Variants in MFAP2 observed in about 807,000 individuals in gnomAD.
MFAP2 encodes microfibril associated protein 2.
Under a neutral mutation model 30.6 loss-of-function variants are expected in MFAP2, and 23 were observed. The observed-to-expected ratio is 0.75, with a 90% CI of 0.54 to 1.07. The LOEUF (loss-of-function observed/expected upper bound fraction) is 1.07, where lower values mean the gene tolerates loss of function less well. Among genes scored for constraint, MFAP2 ranks in the 50% least tolerant of loss-of-function variants. MFAP2 has a pLI of 0.00. For synonymous variants in MFAP2, 73 were observed against 85.7 expected, an observed-to-expected ratio of 0.85 and a Z score of 0.82; for missense variants, 198 against 223.8, an observed-to-expected ratio of 0.88 and a Z score of 0.74.
At position 16,976,050 on chromosome 1, in the gene MFAP2, G is replaced by T; in HGVS notation, c.287-320C>A. 1 of 471,602 alleles carries T rather than the reference G, an allele frequency of 2.1e-6. No individual in the cohort carries two copies. Among genetic ancestry groups the T allele is most frequent in the Non-Finnish European group, 3.8e-6 (1 of 259,886 alleles). The allele number at this position is 471,602 out of a possible 1,614,324, so 29.2% of individuals were successfully genotyped here. Reference sequence around the variant, plus strand: ...CACGCTCACAGAAGCCCACATAGGAGCGCTCACACCAACCCACACGAGAGT... The same window carrying T: ...CACGCTCACAGAAGCCCACATAGGATCGCTCACACCAACCCACACGAGAGT... On this transcript the variant is annotated intron_variant, in intron 6 of 8. Coordinates refer to ENST00000375535, the MANE Select transcript of MFAP2 (RefSeq NM_002403.4). This position sits in a 1 kb window ranked among gnomAD's most constrained non-coding sequence, Gnocchi z 5.5.
rs1330786204 is a variant in MFAP2, at chr1:16,976,729, C to T, written c.220G>A (p.Val74Ile). The T allele has an allele frequency of 1.9e-6, 3 of 1,613,716 alleles. No individual in the cohort carries two copies. Among genetic ancestry groups the T allele is most frequent in the Non-Finnish European group, 2.5e-6 (3 of 1,179,864 alleles). Reference sequence around the variant, plus strand: ...CTACCTGGGGTTGGGGCTGGGATGACTTCCTGTTGGACTTGCTGCTGGGAC... The same window carrying T: ...CTACCTGGGGTTGGGGCTGGGATGATTTCCTGTTGGACTTGCTGCTGGGAC... ...FQSQQQVQQE[V>I]IPAPTPEPGN... Residue 74 changes from valine to isoleucine, a missense_variant, in exon 5 of 9, where the codon GTC becomes ATC. Transcript: ENST00000375535. This position sits in a 1 kb window ranked among gnomAD's most constrained non-coding sequence, Gnocchi z 5.5.
In MFAP2 at chr1:16,976,844, G is replaced by T. The variant is rs748681155; in HGVS notation, c.155-50C>A. On this transcript the variant is annotated intron_variant, in intron 4 of 8. Coordinates refer to ENST00000375535, the MANE Select transcript of MFAP2 (RefSeq NM_002403.4). This position sits in a 1 kb window ranked among gnomAD's most constrained non-coding sequence, Gnocchi z 5.5. ...GTCTGCTCCCTCTACCCCTCCCAGG[G>T]GGTCTCCCCACCCCAGCTGCCGGCC... is the stretch of plus-strand genomic sequence containing the variant. 2 of 1,613,900 alleles carry T rather than the reference G, an allele frequency of 1.2e-6. No individual in the cohort carries two copies. Among genetic ancestry groups the T allele is most frequent in the Non-Finnish European group, 1.7e-6 (2 of 1,179,982 alleles).
intron 1 of MFAP2, among the ~76,000 whole-genome samples, chr1:16,980,120 G>A (rs1257687395): frequency 1.3e-5 from 2 of 152,090 alleles, no homozygotes; most frequent in Admixed American, 1.3e-4. Context: ...GGCTCAGGGG[G>A]AGGGGTCCCG....
At position 16,980,062 on chromosome 1, in the gene MFAP2, C is replaced by T. The variant is rs370079236; in HGVS notation, c.-42+525G>A. Among the ~76,000 whole-genome samples the T allele has an allele frequency of 9.5e-3, 1,445 of 152,040 alleles. 13 individuals are homozygous for T. Among genetic ancestry groups the T allele is most frequent in the South Asian group, 0.016 (78 of 4,816 alleles). On this transcript the variant is annotated intron_variant, in intron 1 of 8. Coordinates refer to ENST00000375535, the MANE Select transcript of MFAP2 (RefSeq NM_002403.4). ...AGGTGGGGGACAGGGGGCCCCGACGCTCGCTCAGACATCAGACGGAGGGAG... is the reference window on the plus strand; with the variant it reads ...AGGTGGGGGACAGGGGGCCCCGACGTTCGCTCAGACATCAGACGGAGGGAG...
At chr1:16,979,479 C>T (rs1269159715) in intron 1 of MFAP2, among the ~76,000 whole-genome samples, 1 of 152,210 alleles carries the variant, frequency 6.6e-6, no homozygotes, top group Admixed American at 6.5e-5. Flanking sequence ...CCTGAGGCCT[C>T]CTGACCCCCT....
At chr1:16,981,273 G>A (rs1173324932), upstream of MFAP2, among the ~76,000 whole-genome samples, 1 of 152,070 alleles carries the variant, frequency 6.6e-6, no homozygotes, top group Non-Finnish European at 1.5e-5. Flanking sequence ...ATGAGTCCCT[G>A]CCCCCGGCCA....
At position 16,976,917 on chromosome 1, in the gene MFAP2, G is replaced by A; in HGVS notation, c.134C>T (p.Pro45Leu). 1.4e-5 allele frequency: 22 copies of A among 1,614,070 alleles called. No homozygotes were observed. The highest frequency in any genetic ancestry group is 1.5e-5 in the Non-Finnish European group (18 of 1,179,986). The change falls in exon 4 of 9, where the codon CCA becomes CTA. Residue 45 changes from proline to leucine, a missense_variant. Transcript: ENST00000375535. The surrounding 1 kb of genome is among the most constrained non-coding windows in gnomAD (Gnocchi z 5.5). ...GTTACCTTGATAATCATAGTAGTCTGGGTTGTCTGCAAACAAAGATGAAAG... is the reference window on the plus strand; with the variant it reads ...GTTACCTTGATAATCATAGTAGTCTAGGTTGTCTGCAAACAAAGATGAAAG... ...YTHYSDQIDNPDYYDYQEVTP... is the reference protein window; with the variant it reads ...YTHYSDQIDNLDYYDYQEVTP...
chr1:16,974,905 G>A lies in MFAP2; in HGVS notation c.*15C>T, dbSNP rs1376109386. On this transcript the variant is annotated 3_prime_UTR_variant, in exon 9 of 9. Coordinates refer to ENST00000375535, the MANE Select transcript of MFAP2 (RefSeq NM_002403.4). ...AGATCCCAGGAGGGCCAGGACTCAG[G>A]ATGCCAGCACCACCCTAGCAGCTCC... 1.5e-6 allele frequency: 1 copy of A among 682,414 alleles called. No individual in the cohort carries two copies. Among genetic ancestry groups the A allele is most frequent in the African/African-American group, 1.9e-5 (1 of 52,216 alleles). The allele number at this position is 682,414 out of a possible 1,614,324, so 42.3% of individuals were successfully genotyped here. A position where few individuals can be genotyped will look rare whatever the true frequency, so the allele number is the denominator to read the frequency against.
rs187729751 is a variant in MFAP2 at position 16,977,135 on chromosome 1, T to G, written c.101A>C (p.Gln34Pro). ...GATCTGGTCGCTATAGTGGGTGTAC[T>G]GGACGTGGTCAGGGAACGGCGGCAG... Reference protein sequence around the residue: ...DPLPPFPDHVQYTHYSDQIDN... With the variant: ...DPLPPFPDHVPYTHYSDQIDN... Residue 34 changes from glutamine (Q) to proline (P), a missense_variant, in exon 3 of 9, where the codon CAG (glutamine) becomes CCG (proline). Coordinates refer to ENST00000375535, the MANE Select transcript of MFAP2 (RefSeq NM_002403.4). 359 of 1,613,910 alleles carry G rather than the reference T, an allele frequency of 2.2e-4. 3 individuals are homozygous for G. In the East Asian group the frequency reaches 7.6e-3, roughly 34 times the overall value.
At chr1:16,978,204 G>A (rs1205807219) in intron 2 of MFAP2, 33 bp downstream of exon 2, 12 of 1,557,692 alleles carry the variant, frequency 7.7e-6, no homozygotes, top group Non-Finnish European at 1.0e-5. Context: ...CCCCACATAA[G>A]AGGAGCTACC....
chr1:16,978,028 A>G (rs2076607554), intron 2 of MFAP2: 3 of 518,668 alleles, frequency 5.8e-6, no homozygotes, highest in South Asian at 4.9e-5. Context: ...GCTGCTGTGG[A>G]AGGCTGGGGG....
At position 16,975,776 on chromosome 1, in the gene MFAP2, C is replaced by T; in HGVS notation, c.287-46G>A. Reference sequence around the variant, plus strand: ...ACTAGGAGCCCAGAGTGGGGGGCGGCCCCCAGCCTCACCCACCTGAGGCTG... The same window carrying T: ...ACTAGGAGCCCAGAGTGGGGGGCGGTCCCCAGCCTCACCCACCTGAGGCTG... On this transcript the variant is annotated intron_variant, in intron 6 of 8. Transcript: ENST00000375535. This position sits in a 1 kb window ranked among gnomAD's most constrained non-coding sequence, Gnocchi z 5.0. 1.9e-6 allele frequency: 3 copies of T among 1,555,620 alleles called. No individual in the cohort carries two copies. The highest frequency in any genetic ancestry group is 1.1e-5 in the South Asian group (1 of 88,048).
In MFAP2 at chr1:16,976,409, G is replaced by A. The variant is rs975733406; in HGVS notation, c.286+92C>T. ...CTGCCAAGAGCCCACATGGGCAAGG[G>A]CCAAAGACCTCCAGCCCACCAGCAC... On this transcript the variant is annotated intron_variant, in intron 6 of 8. Transcript: ENST00000375535. The surrounding 1 kb of genome is among the most constrained non-coding windows in gnomAD (Gnocchi z 5.5). 2.6e-6 allele frequency: 4 copies of A among 1,537,260 alleles called. No homozygotes were observed. Among genetic ancestry groups the A allele is most frequent in the African/African-American group, 2.7e-5 (2 of 73,268 alleles).
intron 1 of MFAP2, 46 bp from the exon 2 acceptor site, chr1:16,978,360 G>C: frequency 6.9e-7 from 1 of 1,459,328 alleles, no homozygotes; most frequent in Non-Finnish European, 9.4e-7. Flanking sequence ...CCACACCCAG[G>C]ACAGCAGAGC....
Position 16,975,527 on chromosome 1 carries a change from C to T in MFAP2, c.374+116G>A, listed in dbSNP as rs2076582952. On this transcript the variant is annotated intron_variant, in intron 7 of 8. Transcript: ENST00000375535. The surrounding 1 kb of genome is among the most constrained non-coding windows in gnomAD (Gnocchi z 5.0). ...GGCTCAACCACAGAACTGAGCTCAACTTAAGGACTCACTATCTTTCCTCCA... is the reference window on the plus strand; with the variant it reads ...GGCTCAACCACAGAACTGAGCTCAATTTAAGGACTCACTATCTTTCCTCCA... 1 of 1,269,256 alleles carries T rather than the reference C, an allele frequency of 7.9e-7. No homozygotes were observed. Among genetic ancestry groups the T allele is most frequent in the Admixed American group, 2.0e-5 (1 of 51,062 alleles). The allele number at this position is 1,269,256 out of a possible 1,614,324, so 78.6% of individuals were successfully genotyped here.
upstream of MFAP2, among the ~76,000 whole-genome samples, chr1:16,981,114 C>CT (rs1442392583): frequency 6.6e-6 from 1 of 152,214 alleles, no homozygotes; most frequent in Non-Finnish European, 1.5e-5. Context: ...TGGGCCATGG[C>CT]TGGCTTCCAC....
Position 16,978,312 on chromosome 1 carries a change from C to A in MFAP2, c.-39G>T. On this transcript the variant is annotated splice_region_variant and 5_prime_UTR_variant, in exon 2 of 9. Coordinates refer to ENST00000375535, the MANE Select transcript of MFAP2 (RefSeq NM_002403.4). ...CAGGCCGGGGTGGTGTCAGAGAGGA[C>A]AGCTGGGGAAAGACCGGTGGGAGAG... 6.4e-7 allele frequency: 1 copy of A among 1,563,306 alleles called. No homozygotes were observed.
rs1342117598 is a variant in MFAP2 at position 16,976,201 on chromosome 1, C to T, written c.286+300G>A. ...TCCTCGCCTCCACATGTGCACCACT[C>T]AGTCTCTCTGGCTGGCAGGAAGCCC... On this transcript the variant is annotated intron_variant, in intron 6 of 8. Coordinates refer to ENST00000375535, the MANE Select transcript of MFAP2 (RefSeq NM_002403.4). This position sits in a 1 kb window ranked among gnomAD's most constrained non-coding sequence, Gnocchi z 5.5. 3.5e-6 allele frequency: 2 copies of T among 563,810 alleles called. No homozygotes were observed. Among genetic ancestry groups the T allele is most frequent in the Non-Finnish European group, 6.4e-6 (2 of 314,390 alleles). The allele number at this position is 563,810 out of a possible 1,614,324, so 34.9% of individuals were successfully genotyped here. A position where few individuals can be genotyped will look rare whatever the true frequency, so the allele number is the denominator to read the frequency against.
Position 16,975,326 on chromosome 1 carries a change from C to A in MFAP2, c.391G>T (p.Val131Phe). The change falls in exon 8 of 9, where the codon GTC becomes TTC. Residue 131 changes from valine to phenylalanine, a missense_variant. Physicochemically the swap from Val to Phe is conservative, Grantham distance 50 (BLOSUM62 -1). Transcript: ENST00000375535. This position sits in a 1 kb window ranked among gnomAD's most constrained non-coding sequence, Gnocchi z 5.0. The stretch of plus-strand genomic sequence containing the variant: ...CGAACACAGATCTCCTTGTTAATGA[C>A]GTACACACGGCGGAGGCTGCGGGGA... Reference protein sequence around the residue: ...VCFYSLRRVYVINKEICVRTV... With the variant: ...VCFYSLRRVYFINKEICVRTV... 6.2e-7 allele frequency: 1 copy of A among 1,613,946 alleles called. No homozygotes were observed. Among genetic ancestry groups the A allele is most frequent in the Non-Finnish European group, 8.5e-7 (1 of 1,179,896 alleles).
Sources: gnomAD v4.1 joint callset for allele counts (sites outside exome capture counted in the v4.1 genomes callset) on GRCh38, gnomAD v4.1.1 for gene constraint, Gnocchi (gnomAD v3.1) non-coding constraint, MANE v1.5 for transcripts, NCBI Gene and HGNC (gene_info 2026-07-23, HGNC 2026-07-21) for gene names.